The following CLEC2A variants were observed in gnomAD, a reference collection of about 807,000 sequenced individuals.
CLEC2A encodes C-type lectin domain family 2 member A.
Under a neutral mutation model 18.6 loss-of-function variants are expected in CLEC2A, and 19 were observed. The ratio of observed to expected loss-of-function variants is 1.02; its 90% CI spans 0.71 to 1.50. The LOEUF is 1.50. CLEC2A is among the 40% of genes most tolerant of loss of function. The pLI is 0.00. For synonymous variants in CLEC2A, 74 were observed against 64.0 expected (o/e 1.16, Z -0.75); for missense variants, 190 against 207.9 (o/e 0.91, Z 0.53).
At chr12:9,898,851 G>A in exon 5 of CLEC2A, 1 of 700,692 alleles carries the variant, frequency 1.4e-6, no homozygotes, top group Non-Finnish European at 2.6e-6. Context: ...ACTGCTTCCT[G>A]CTGACAGGGG....
At chr12:9,902,329 G>C (rs539804762) in intron 4 of CLEC2A, among the ~76,000 whole-genome samples, 1 of 151,590 alleles carries the variant, frequency 6.6e-6, no homozygotes, top group Non-Finnish European at 1.5e-5. Flanking sequence ...TGCCTCCTGG[G>C]TTCAAGCAAT....
downstream of CLEC2A, among the ~76,000 whole-genome samples, chr12:9,897,915 T>C (rs1214561231): frequency 6.6e-6 from 1 of 152,210 alleles, no homozygotes; most frequent in Non-Finnish European, 1.5e-5. Context: ...TGGTGGAAAA[T>C]AGACCAGGCA....
At chr12:9,916,619 T>C (rs1019869655) in intron 4 of CLEC2A, 81 bp downstream of exon 4, 3 of 923,948 alleles carry the variant, frequency 3.2e-6, no homozygotes, top group Admixed American at 4.1e-5. Flanking sequence ...GATTTGTTTA[T>C]AATAATACAA....
At chr12:9,927,226 G>A (rs1249258862) in intron 1 of CLEC2A, among the ~76,000 whole-genome samples, 4 of 152,154 alleles carry the variant, frequency 2.6e-5, no homozygotes, top group African/African-American at 7.2e-5. Context: ...AAACTGGATA[G>A]CATGTTATCG....
intron 4 of CLEC2A, among the ~76,000 whole-genome samples, chr12:9,907,990 C>G (rs971220287): frequency 2.2e-4 from 34 of 152,146 alleles, no homozygotes; most frequent in African/African-American, 8.0e-4. Flanking sequence ...GCTCTGAGGT[C>G]TTGTGCTAGT....
intron 1 of CLEC2A, among the ~76,000 whole-genome samples, chr12:9,928,671 A>T (rs1041707491): frequency 3.3e-5 from 5 of 152,076 alleles, no homozygotes; most frequent in African/African-American, 9.7e-5. Context: ...ACAACTTGAT[A>T]AAAAAAAGAA....
intron 4 of CLEC2A, among the ~76,000 whole-genome samples, chr12:9,903,397 G>A (rs1862863514): frequency 1.3e-5 from 2 of 152,110 alleles, no homozygotes; most frequent in Admixed American, 1.3e-4. Context: ...AAAGAAGTAA[G>A]GATTGAGGAC....
chr12:9,884,793 T>C, the CLEC2A span: 1 of 371,964 alleles, frequency 2.7e-6, no homozygotes, highest in Non-Finnish European at 4.8e-6. Context: ...GATTCTAGAC[T>C]TTTTATTTTT....
chr12:9,932,301 C>T lies in CLEC2A; in HGVS notation c.29G>A (p.Arg10Lys). 1 of 1,551,930 alleles carries T rather than the reference C, an allele frequency of 6.4e-7. No homozygotes were observed. The highest frequency in any genetic ancestry group is 8.7e-7 in the Non-Finnish European group (1 of 1,146,914). MINPELRDG[R>K]ADGFIHRIVP... ...TATCCGATGTATGAAGCCATCAGCT[C>T]TGCCATCCCGCAGCTCTGGATTAAT... Residue 10 changes from arginine (R) to lysine (K), a missense_variant, in exon 1 of 5, where the codon AGA becomes AAA. Coordinates refer to ENST00000455827, the MANE Select transcript of CLEC2A (RefSeq NM_001130711.2).
At chr12:9,911,846 A>C (rs1351658575), downstream of CLEC2A, among the ~76,000 whole-genome samples, 1 of 152,126 alleles carries the variant, frequency 6.6e-6, no homozygotes, top group Non-Finnish European at 1.5e-5. Context: ...ATAGGGTTAG[A>C]TATCTCATCA....
the CLEC2A span, among the ~76,000 whole-genome samples, chr12:9,889,210 C>G: frequency 6.6e-6 from 1 of 152,228 alleles, no homozygotes; most frequent in South Asian, 2.1e-4. Context: ...GTTTTTTAAA[C>G]TTTCAAATGA....
chr12:9,880,497 G>A, the CLEC2A span, among the ~76,000 whole-genome samples: 12 of 151,858 alleles, frequency 7.9e-5, no homozygotes, highest in East Asian at 1.9e-4. Flanking sequence ...GAGTGGCCAC[G>A]TAGCAGAAAC....
At chr12:9,910,144 T>C (rs543641845), downstream of CLEC2A, among the ~76,000 whole-genome samples, 3 of 152,238 alleles carry the variant, frequency 2.0e-5, no homozygotes, top group Admixed American at 2.0e-4. Flanking sequence ...AAATTGAGGG[T>C]TTGAGGATTG....
chr12:9,890,415 GCTCT>G, the CLEC2A span, among the ~76,000 whole-genome samples: 12 of 152,160 alleles, frequency 7.9e-5, no homozygotes, highest in Non-Finnish European at 5.9e-5. Flanking sequence ...CCTCTTCCAA[GCTCT>G]CTCTTACGGT....
chr12:9,890,411 C>T, the CLEC2A span, among the ~76,000 whole-genome samples: 1 of 152,176 alleles, frequency 6.6e-6, no homozygotes, highest in Non-Finnish European at 1.5e-5. Context: ...GGTTCCTCTT[C>T]CAAGCTCTCT....
At chr12:9,885,634 G>T in the CLEC2A span, among the ~76,000 whole-genome samples, 1 of 151,872 alleles carries the variant, frequency 6.6e-6, no homozygotes. Context: ...CTTAATAAAG[G>T]ATCCATATTT....
chr12:9,903,750 T>C (rs1862867955), intron 4 of CLEC2A, among the ~76,000 whole-genome samples: 1 of 152,216 alleles, frequency 6.6e-6, no homozygotes, highest in Non-Finnish European at 1.5e-5. Context: ...CCAATTTACA[T>C]TTTTATTTAT....
At chr12:9,879,356 G>C in the CLEC2A span, among the ~76,000 whole-genome samples, 5 of 152,154 alleles carry the variant, frequency 3.3e-5, no homozygotes, top group African/African-American at 9.7e-5. Context: ...CTCAACTGGG[G>C]AGGAGGTAGG....
At chr12:9,887,206 A>C in the CLEC2A span, among the ~76,000 whole-genome samples, 1 of 152,174 alleles carries the variant, frequency 6.6e-6, no homozygotes, top group African/African-American at 2.4e-5. Context: ...AAAAAACATG[A>C]GTTTTCAGCT....
Sources: allele counts gnomAD v4.1 joint callset (sites outside exome capture counted in the v4.1 genomes callset), GRCh38; gene constraint gnomAD v4.1.1; transcripts MANE v1.5; gene names NCBI Gene and HGNC (gene_info 2026-07-23, HGNC 2026-07-21).